THEMIS: variants seen among roughly 807,000 people sequenced by gnomAD.
THEMIS encodes the protein protein THEMIS.
Under a neutral mutation model 52.6 loss-of-function variants are expected in THEMIS, and 37 were observed. The ratio of observed to expected loss-of-function variants is 0.70; its 90% CI spans 0.54 to 0.93. The LOEUF (loss-of-function observed/expected upper bound fraction) is 0.93. Ranked by LOEUF, THEMIS falls within the 40% of genes least tolerant of loss-of-function variation. The pLI is 0.00. For missense variants in THEMIS, 808 were observed against 763.1 expected (o/e 1.06, Z -0.69); for synonymous variants, 292 against 272.7 (o/e 1.07, Z -0.70).
chr6:127,706,184 T>A (rs1773794658), downstream of THEMIS, among the ~76,000 whole-genome samples: 1 of 151,964 alleles, frequency 6.6e-6, no homozygotes, highest in Admixed American at 6.6e-5. Flanking sequence ...AAAACCTTGA[T>A]GTAATATTTT....
At chr6:127,910,883 C>T (rs994058495) in intron 1 of THEMIS, among the ~76,000 whole-genome samples, 2 of 152,072 alleles carry the variant, frequency 1.3e-5, no homozygotes, top group Non-Finnish European at 2.9e-5. Context: ...TACCCCATTG[C>T]CTTTGGCCAT....
At chr6:127,837,431 A>AT (rs1778908387) in intron 2 of THEMIS, among the ~76,000 whole-genome samples, 1 of 152,102 alleles carries the variant, frequency 6.6e-6, no homozygotes, top group Non-Finnish European at 1.5e-5. Context: ...TCGTAAGCTA[A>AT]TCTCCTCATT....
At chr6:127,760,233 A>T (rs1385691115) in intron 4 of THEMIS, among the ~76,000 whole-genome samples, 1 of 151,990 alleles carries the variant, frequency 6.6e-6, no homozygotes, top group Non-Finnish European at 1.5e-5. Flanking sequence ...ATTCTGTTCC[A>T]TTGGGCTATA....
At chr6:127,839,135 T>C (rs565690327) in intron 2 of THEMIS, among the ~76,000 whole-genome samples, 1 of 152,238 alleles carries the variant, frequency 6.6e-6, no homozygotes, top group African/African-American at 2.4e-5. Context: ...GATTATAATA[T>C]GGAAATTTTA....
intron 1 of THEMIS, among the ~76,000 whole-genome samples, chr6:127,881,717 G>A (rs915737429): frequency 2.6e-5 from 4 of 151,756 alleles, no homozygotes; most frequent in African/African-American, 9.7e-5. Flanking sequence ...TTATTTGCTT[G>A]TTTTTAATGC....
intron 2 of THEMIS, among the ~76,000 whole-genome samples, chr6:127,844,770 A>ATT (rs1779160591): frequency 6.6e-6 from 1 of 151,930 alleles, no homozygotes; most frequent in Admixed American, 6.6e-5. Context: ...ATGATTTACC[A>ATT]ATCTATGGAG....
At chr6:127,788,030 C>T (rs1295523112) in intron 4 of THEMIS, among the ~76,000 whole-genome samples, 1 of 114,746 alleles carries the variant, frequency 8.7e-6, no homozygotes, top group Non-Finnish European at 2.1e-5. Flanking sequence ...TAATGTTATC[C>T]TGCACAGACA....
Position 127,860,276 on chromosome 6 carries a change from G to A in THEMIS, c.92-5088C>T, listed in dbSNP as rs191179932. On this transcript the variant is annotated intron_variant, in intron 1 of 5. Coordinates refer to ENST00000368248, the MANE Select transcript of THEMIS (RefSeq NM_001010923.3). ...ATGCAGGGTACATATAAGTAGACACGAAAAAGCAAGCTTTCAGCTTTACTA... is the reference window on the plus strand; with the variant it reads ...ATGCAGGGTACATATAAGTAGACACAAAAAAGCAAGCTTTCAGCTTTACTA... Among the ~76,000 whole-genome samples, 29 of 152,160 alleles carry A rather than the reference G, an allele frequency of 1.9e-4. 1 individual carries two copies. The East Asian group carries it at 3.9e-3, about 20-fold the overall frequency.
chr6:127,805,672 GT>G (rs774276447), intron 4 of THEMIS, among the ~76,000 whole-genome samples: 1 of 152,088 alleles, frequency 6.6e-6, no homozygotes, highest in Admixed American at 6.5e-5. Context: ...GGAAAATTTG[GT>G]TTGGGAAGCA....
At chr6:127,750,459 C>T (rs1775601179) in intron 4 of THEMIS, among the ~76,000 whole-genome samples, 1 of 151,710 alleles carries the variant, frequency 6.6e-6, no homozygotes, top group Non-Finnish European at 1.5e-5. Flanking sequence ...AACCAACTCA[C>T]TAATTATAGG....
At chr6:127,716,641 G>A (rs1056353580) in intron 5 of THEMIS, among the ~76,000 whole-genome samples, 5 of 151,874 alleles carry the variant, frequency 3.3e-5, no homozygotes, top group African/African-American at 9.7e-5. Flanking sequence ...TGCCTCAAGC[G>A]CTGTTCCTGG....
chr6:127,711,512 G>A (rs1773981127), intron 5 of THEMIS, among the ~76,000 whole-genome samples: 1 of 151,878 alleles, frequency 6.6e-6, no homozygotes. Flanking sequence ...AGTGGTCAGT[G>A]GGTTGATGGT....
intron 2 of THEMIS, among the ~76,000 whole-genome samples, chr6:127,833,577 A>T (rs1438366732): frequency 6.6e-6 from 1 of 152,196 alleles, no homozygotes; most frequent in Non-Finnish European, 1.5e-5. Flanking sequence ...ATTGCTCATG[A>T]GAATAACATG....
At chr6:127,804,602 G>A (rs1274794742) in intron 4 of THEMIS, among the ~76,000 whole-genome samples, 1 of 152,126 alleles carries the variant, frequency 6.6e-6, no homozygotes, top group African/African-American at 2.4e-5. Flanking sequence ...CAAGATGTCT[G>A]ACAACATTGT....
the THEMIS span, among the ~76,000 whole-genome samples, chr6:127,703,035 GTTTTTTTTTTTTTTTTT>G: frequency 1.2e-5 from 1 of 82,352 alleles, no homozygotes; most frequent in Admixed American, 1.6e-4. Context: ...TTTAGAATGA[GTTTTTTTTTTTTTTTTT>G]TTTTTTTTTT....
intron 3 of THEMIS, among the ~76,000 whole-genome samples, chr6:127,819,727 G>A (rs996751759): frequency 9.2e-5 from 14 of 152,240 alleles, no homozygotes; most frequent in Middle Eastern, 6.8e-3. Context: ...ACTTACTTAT[G>A]TGAGTAACAA....
intron 4 of THEMIS, among the ~76,000 whole-genome samples, chr6:127,774,331 G>A (rs567973210): frequency 1.3e-5 from 2 of 152,228 alleles, no homozygotes; most frequent in South Asian, 2.1e-4. Flanking sequence ...TCAGCCTCCC[G>A]AGTAGCTGGG....
rs187425277 is a variant in THEMIS at position 127,828,106 on chromosome 6, C to T, written c.709+1370G>A. 5.3e-4 allele frequency among the ~76,000 whole-genome samples: 80 copies of T among 152,262 alleles called. 1 individual carries two copies. The highest frequency in any genetic ancestry group is 1.9e-3 in the African/African-American group (78 of 41,544). ...TCCTTTGAGCCTTCCATTTAAATGC[C>T]ATTTCCTCGGAGTAGTTTTTCTTGC... is the stretch of plus-strand genomic sequence containing the variant. On this transcript the variant is annotated intron_variant, in intron 3 of 5. Transcript: ENST00000368248.
chr6:127,839,766 C>T (rs1241966938), intron 2 of THEMIS, among the ~76,000 whole-genome samples: 1 of 152,098 alleles, frequency 6.6e-6, no homozygotes, highest in Non-Finnish European at 1.5e-5. Context: ...TCAAAACAAA[C>T]ACCCTTATAA....
Sources: allele counts gnomAD v4.1 joint callset (sites outside exome capture counted in the v4.1 genomes callset), GRCh38; gene constraint gnomAD v4.1.1; transcripts MANE v1.5; gene names NCBI Gene and HGNC (gene_info 2026-07-23, HGNC 2026-07-21).